Variants in RGL1 observed in about 807,000 individuals in gnomAD.
RGL1 encodes the protein ral guanine nucleotide dissociation stimulator like 1, also known as ral guanine nucleotide dissociation stimulator-like 1.
A neutral mutation model predicts 95.2 loss-of-function variants in RGL1; 24 were observed. That is an observed-to-expected ratio of 0.25 (90% CI 0.18 to 0.35). The LOEUF is 0.35. RGL1 is among the 10% of genes least tolerant of loss of function. The pLI is 1.00. For synonymous variants in RGL1, 329 were observed against 344.9 expected (o/e 0.95, Z 0.51); for missense variants, 715 against 936.3 (o/e 0.76, Z 3.08).
At chr1:183,859,922 T>C (rs1558254106) in intron 3 of RGL1, among the ~76,000 whole-genome samples, 1 of 152,200 alleles carries the variant, frequency 6.6e-6, no homozygotes. Context: ...AGGATATTAT[T>C]CAGAGTAATT....
chr1:183,817,013 G>A (rs2102444788), intron 2 of RGL1, among the ~76,000 whole-genome samples: 1 of 152,282 alleles, frequency 6.6e-6, no homozygotes, highest in South Asian at 2.1e-4. Context: ...GTTTGAAAAT[G>A]TTCTATTTCT....
chr1:183,898,884 T>C (rs569907813), intron 10 of RGL1, among the ~76,000 whole-genome samples: 386 of 152,344 alleles, frequency 2.5e-3, no homozygotes, highest in Non-Finnish European at 3.1e-3. Context: ...GCAGCCTGGC[T>C]TTACCCTGTT....
chr1:183,823,823 T>C (rs1278469315), intron 2 of RGL1, among the ~76,000 whole-genome samples: 1 of 152,172 alleles, frequency 6.6e-6, no homozygotes, highest in Non-Finnish European at 1.5e-5. Context: ...AGGGTCTTGC[T>C]CTGTCACACA....
chr1:183,786,155 A>G (rs935467349), intron 2 of RGL1, among the ~76,000 whole-genome samples: 1 of 151,900 alleles, frequency 6.6e-6, no homozygotes, highest in Admixed American at 6.6e-5. Flanking sequence ...TAATCCCAGC[A>G]CTTTGAGAGG....
exon 1 of RGL1, chr1:183,636,176 A>G (rs1292032363): frequency 2.5e-6 from 1 of 399,546 alleles, no homozygotes; most frequent in Non-Finnish European, 4.4e-6. Flanking sequence ...ACGACCTATC[A>G]TCGGGGTCCT....
chr1:183,636,366 A>G (rs1225384743), exon 1 of RGL1: 4 of 393,690 alleles, frequency 1.0e-5, no homozygotes, highest in Non-Finnish European at 1.8e-5. Context: ...GTTCCTGAGC[A>G]GGAAGCCCGT....
At chr1:183,738,018 CT>C (rs1205437801) in intron 1 of RGL1, among the ~76,000 whole-genome samples, 1 of 152,096 alleles carries the variant, frequency 6.6e-6, no homozygotes, top group Non-Finnish European at 1.5e-5. Flanking sequence ...AAAATTTTGC[CT>C]TTTAGGTTTA....
intron 4 of RGL1, among the ~76,000 whole-genome samples, chr1:183,875,625 T>C (rs12563740): frequency 0.58 from 87,473 of 151,794 alleles, 25,608 homozygotes; most frequent in African/African-American, 0.69. Flanking sequence ...CCTGTAATCC[T>C]AGCACTTTGG....
intron 1 of RGL1, chr1:183,648,762 T>C: frequency 6.2e-7 from 1 of 1,604,514 alleles, no homozygotes; most frequent in South Asian, 1.1e-5. Context: ...TGCTAGGTAC[T>C]CCTCATATAT....
intron 2 of RGL1, among the ~76,000 whole-genome samples, chr1:183,771,874 G>C (rs1350419474): frequency 6.6e-6 from 1 of 152,208 alleles, no homozygotes; most frequent in African/African-American, 2.4e-5. Flanking sequence ...GTGGCTGGAC[G>C]TGGAGCAGAG....
intron 8 of RGL1, among the ~76,000 whole-genome samples, chr1:183,890,733 C>A (rs1667368408): frequency 6.6e-6 from 1 of 152,130 alleles, no homozygotes; most frequent in African/African-American, 2.4e-5. Flanking sequence ...TATACTTGGA[C>A]TTGTATATGA....
chr1:183,858,818 C>T (rs1006818170), intron 3 of RGL1, among the ~76,000 whole-genome samples: 3 of 152,020 alleles, frequency 2.0e-5, no homozygotes, highest in Admixed American at 6.6e-5. Context: ...ATTGATATTC[C>T]GTTGAGTTTT....
chr1:183,733,948 C>T (rs1394704057), intron 1 of RGL1, among the ~76,000 whole-genome samples: 3 of 152,186 alleles, frequency 2.0e-5, no homozygotes, highest in Non-Finnish European at 2.9e-5. Flanking sequence ...ACATGCTCTC[C>T]CAGAAGTGTT....
At chr1:183,876,840 C>T (rs995989534) in intron 4 of RGL1, among the ~76,000 whole-genome samples, 4 of 152,202 alleles carry the variant, frequency 2.6e-5, no homozygotes, top group African/African-American at 9.6e-5. Context: ...GTGGCAGATT[C>T]TTTGAGTCAA....
chr1:183,650,708 AT>A (rs11395856), intron 1 of RGL1, among the ~76,000 whole-genome samples: 16 of 144,624 alleles, frequency 1.1e-4, no homozygotes, highest in African/African-American at 2.0e-4. Context: ...AAAGAATCAG[AT>A]TTTTTTTTTT....
chr1:183,898,159 A>G (rs1572572220), intron 10 of RGL1, among the ~76,000 whole-genome samples: 1 of 152,202 alleles, frequency 6.6e-6, no homozygotes. Flanking sequence ...GGTGAGGGGG[A>G]GTCTACAGCA....
chr1:183,802,245 A>C (rs752339356), upstream of RGL1, among the ~76,000 whole-genome samples: 1 of 152,160 alleles, frequency 6.6e-6, no homozygotes, highest in Non-Finnish European at 1.5e-5. Flanking sequence ...TCAGTTGACC[A>C]CATATGCTTG....
chr1:183,728,281 G>A (rs1406832694), intron 1 of RGL1, among the ~76,000 whole-genome samples: 1 of 152,084 alleles, frequency 6.6e-6, no homozygotes, highest in Non-Finnish European at 1.5e-5. Flanking sequence ...ACTTGAACTG[G>A]AAGTTCACCA....
At chr1:183,779,935 T>C (rs1429556977) in intron 2 of RGL1, among the ~76,000 whole-genome samples, 1 of 152,114 alleles carries the variant, frequency 6.6e-6, no homozygotes. Flanking sequence ...TAACTATCAA[T>C]TCATAAAAGA....
Sources: gnomAD v4.1 joint callset for allele counts (sites outside exome capture counted in the v4.1 genomes callset) on GRCh38, gnomAD v4.1.1 for gene constraint, MANE v1.5 for transcripts, NCBI Gene and HGNC (gene_info 2026-07-23, HGNC 2026-07-21) for gene names.